The following IARS2 variants were observed in gnomAD, a reference collection of about 807,000 sequenced individuals.
The protein encoded by IARS2 is isoleucine--tRNA ligase, mitochondrial.
A neutral mutation model predicts 126.3 loss-of-function variants in IARS2; 56 were observed. That is an observed-to-expected ratio of 0.44 (90% CI 0.36 to 0.55). IARS2 has a LOEUF of 0.55. Ranked by LOEUF, IARS2 falls within the 20% of genes least tolerant of loss-of-function variation. The pLI is 0.00. For synonymous variants in IARS2, 407 were observed against 441.1 expected (o/e 0.92, Z 0.97); for missense variants, 1,127 against 1,245.9 (o/e 0.90, Z 1.44).
intron 10 of IARS2, among the ~76,000 whole-genome samples, chr1:220,109,764 C>G (rs1223651897): frequency 6.6e-6 from 1 of 152,218 alleles, no homozygotes; most frequent in Non-Finnish European, 1.5e-5. Flanking sequence ...CAAGTAAGGT[C>G]ACATTCACTA....
intron 11 of IARS2, among the ~76,000 whole-genome samples, chr1:220,112,768 C>T (rs912333083): frequency 2.6e-5 from 4 of 151,890 alleles, no homozygotes; most frequent in Admixed American, 1.3e-4. Context: ...CAAGTTGCCC[C>T]GGTTGGTGTC....
In IARS2 at chr1:220,094,239, G is replaced by T. The variant is rs149324758; in HGVS notation, c.23G>T (p.Arg8Leu). The change falls in exon 1 of 23, where the codon CGC becomes CTC. Residue 8 changes from arginine (R) to leucine (L), a missense_variant. Physicochemically the swap from Arg to Leu is moderately radical, Grantham distance 102. Coordinates refer to ENST00000366922, the MANE Select transcript of IARS2 (RefSeq NM_018060.4). The part of the protein sequence containing the change: MRWGLRP[R>L]GPGAAALATA... The stretch of plus-strand genomic sequence containing the variant: ...ACCATGCGTTGGGGGCTGCGCCCTC[G>T]CGGGCCGGGCGCGGCCGCCCTGGCC... The T allele has an allele frequency of 0.023, 36,892 of 1,593,820 alleles. 735 individuals carry two copies. Among genetic ancestry groups the T allele is most frequent in the South Asian group, 0.09 (8,046 of 89,120 alleles).
intron 7 of IARS2, 39 bp downstream of exon 7, chr1:220,102,816 A>G: frequency 1.9e-6 from 2 of 1,063,642 alleles, no homozygotes; most frequent in Non-Finnish European, 2.9e-6. Context: ...ATACACAAAT[A>G]GAATGTATTC....
Position 220,147,481 on chromosome 1 carries a change from A to AT in IARS2, c.2897-5dup, listed in dbSNP as rs781485617. ...TGCCTATCAGAAATACTCTTCATGT[A>AT]TTTTTTTATAGGTGGTGATATTCGT... is the stretch of plus-strand genomic sequence containing the variant. On this transcript the variant is annotated splice_polypyrimidine_tract_variant and intron_variant, in intron 22 of 22. Coordinates refer to ENST00000366922, the MANE Select transcript of IARS2 (RefSeq NM_018060.4). The AT allele has an allele frequency of 1.9e-5, 31 of 1,613,428 alleles. No homozygotes were observed. Among genetic ancestry groups the AT allele is most frequent in the African/African-American group, 2.7e-5 (2 of 74,902 alleles).
chr1:220,127,789 A>G (rs977893557), intron 14 of IARS2, among the ~76,000 whole-genome samples: 10 of 152,228 alleles, frequency 6.6e-5, no homozygotes, highest in Non-Finnish European at 1.3e-4. Flanking sequence ...AACAAAATGC[A>G]TATAAATTCA....
intron 12 of IARS2, among the ~76,000 whole-genome samples, chr1:220,122,902 T>C (rs181783231): frequency 6.6e-6 from 1 of 152,088 alleles, no homozygotes; most frequent in East Asian, 1.9e-4. Flanking sequence ...ATTTTACTCT[T>C]TACCTAAACT....
At chr1:220,103,154 C>T (rs1335685769) in intron 7 of IARS2, among the ~76,000 whole-genome samples, 1 of 151,914 alleles carries the variant, frequency 6.6e-6, no homozygotes, top group African/African-American at 2.4e-5. Flanking sequence ...AATTTTCCTG[C>T]CTCAGCCTCC....
chr1:220,133,107 T>C (rs1162547829), intron 14 of IARS2, among the ~76,000 whole-genome samples: 1 of 151,280 alleles, frequency 6.6e-6, no homozygotes, highest in East Asian at 2.0e-4. Context: ...ACCTCCCAGG[T>C]TCAAGTGATT....
Position 220,102,365 on chromosome 1 carries a change from C to T in IARS2, c.702C>T (p.Gly234=), listed in dbSNP as rs1571845125. The change falls in exon 5 of 23, where the codon GGC becomes GGT. Residue 234 remains glycine, a splice_region_variant and synonymous_variant. Transcript: ENST00000366922. ...LRTFYQMYDK[G]LVYRSYKPVF... ...CATCATATTTTTGTCTTTTATAGGG[C>T]TTGGTTTATCGATCTTACAAACCTG... The T allele has an allele frequency of 2.5e-6, 4 of 1,613,594 alleles. No homozygotes were observed. The African/African-American group carries it at 4.0e-5, about 16-fold the overall frequency.
chr1:220,126,511 G>A lies in IARS2; in HGVS notation c.1744-239G>A, dbSNP rs576983447. Among the ~76,000 whole-genome samples, 9 of 152,132 alleles carry A rather than the reference G, an allele frequency of 5.9e-5. 1 individual carries two copies. The highest frequency in any genetic ancestry group is 3.9e-4 in the Admixed American group (6 of 15,262). Reference sequence around the variant, plus strand: ...ATCCAAATTTAAAGTTAATTTCAAGGAAATAAAAACCAATTCATATTACAT... The same window carrying A: ...ATCCAAATTTAAAGTTAATTTCAAGAAAATAAAAACCAATTCATATTACAT... On this transcript the variant is annotated intron_variant, in intron 13 of 22. Coordinates refer to ENST00000366922, the MANE Select transcript of IARS2 (RefSeq NM_018060.4).
intron 11 of IARS2, among the ~76,000 whole-genome samples, chr1:220,113,933 C>A (rs1489236960): frequency 6.6e-6 from 1 of 152,082 alleles, no homozygotes; most frequent in African/African-American, 2.4e-5. Context: ...TGGTGGAAAT[C>A]AAGTTTGAAT....
At chr1:220,132,855 T>C (rs1657297894) in intron 14 of IARS2, among the ~76,000 whole-genome samples, 1 of 151,990 alleles carries the variant, frequency 6.6e-6, no homozygotes, top group Non-Finnish European at 1.5e-5. Flanking sequence ...TCTGATTTTG[T>C]TTATTTGGAT....
chr1:220,100,496 A>G lies in IARS2; in HGVS notation c.397A>G (p.Lys133Glu). ...HVGHALNKIL[K>E]DIANRFHMMN... ...TATCATTTTATCTTTGCAGATTTTGAAAGACATAGCCAATCGATTCCATAT... is the reference window on the plus strand; with the variant it reads ...TATCATTTTATCTTTGCAGATTTTGGAAGACATAGCCAATCGATTCCATAT... Residue 133 changes from lysine to glutamate, a missense_variant, in exon 3 of 23, where the codon AAA (lysine) becomes GAA (glutamate). Lys to Glu is a moderately conservative substitution (Grantham distance 56). Coordinates refer to ENST00000366922, the MANE Select transcript of IARS2 (RefSeq NM_018060.4). The G allele has an allele frequency of 6.3e-7, 1 of 1,598,232 alleles. No homozygotes were observed. The highest frequency in any genetic ancestry group is 8.5e-7 in the Non-Finnish European group (1 of 1,173,154).
chr1:220,146,056 C>T (rs73098537), intron 22 of IARS2, among the ~76,000 whole-genome samples: 7,439 of 152,122 alleles, frequency 0.049, 202 homozygotes, highest in African/African-American at 0.074. Flanking sequence ...ATGTATACCC[C>T]GGATTAAAAT....
intron 12 of IARS2, chr1:220,118,305 G>A (rs1656969977): frequency 4.0e-5 from 13 of 321,394 alleles, no homozygotes; most frequent in South Asian, 3.5e-4. Context: ...AAGTATACTT[G>A]TTTCACAGAA....
At chr1:220,096,832 G>A (rs1046505860) in intron 2 of IARS2, among the ~76,000 whole-genome samples, 1 of 152,054 alleles carries the variant, frequency 6.6e-6, no homozygotes, top group Non-Finnish European at 1.5e-5. Context: ...GGATCACGAG[G>A]TCAGGAGATC....
Position 220,125,299 on chromosome 1 carries a change from T to G in IARS2, c.1703T>G (p.Leu568Arg). Reference protein sequence around the residue: ...EQHGSDIWWTLPPEQLLPKEV... With the variant: ...EQHGSDIWWTRPPEQLLPKEV... The stretch of plus-strand genomic sequence containing the variant: ...CACGGCAGTGATATCTGGTGGACTC[T>G]TCCCCCTGAACAACTTCTTCCAAAA... The change falls in exon 13 of 23, where the codon CTT becomes CGT. Residue 568 changes from leucine (L) to arginine (R), a missense_variant. Physicochemically the swap from Leu to Arg is moderately radical, Grantham distance 102. Coordinates refer to ENST00000366922, the MANE Select transcript of IARS2 (RefSeq NM_018060.4). 6.2e-7 allele frequency: 1 copy of G among 1,613,814 alleles called. No individual in the cohort carries two copies. Among genetic ancestry groups the G allele is most frequent in the Middle Eastern group, 1.7e-4 (1 of 6,058 alleles).
intron 15 of IARS2, 67 bp from the exon 16 acceptor site, chr1:220,136,742 G>C (rs2102838610): frequency 2.6e-6 from 2 of 761,060 alleles, no homozygotes; most frequent in South Asian, 3.8e-5. Flanking sequence ...TTTTTAAGCT[G>C]TACCTAATCT....
chr1:220,133,147 A>T (rs1048821793), intron 14 of IARS2, among the ~76,000 whole-genome samples: 4 of 151,560 alleles, frequency 2.6e-5, no homozygotes, highest in African/African-American at 9.7e-5. Flanking sequence ...AGTAGCTGGG[A>T]TTACAGGCGC....
Sources: gnomAD v4.1 joint callset for allele counts (sites outside exome capture counted in the v4.1 genomes callset) on GRCh38, gnomAD v4.1.1 for gene constraint, MANE v1.5 for transcripts, NCBI Gene and HGNC (gene_info 2026-07-23, HGNC 2026-07-21) for gene names.